PDE4B: variants seen among roughly 807,000 people sequenced by gnomAD.
The protein encoded by PDE4B is phosphodiesterase 4B.
A neutral mutation model predicts 82.2 loss-of-function variants in PDE4B; 20 were observed. The observed-to-expected ratio is 0.24, with a 90% CI of 0.17 to 0.35. PDE4B has a LOEUF of 0.35. Ranked by LOEUF, PDE4B falls within the 10% of genes least tolerant of loss-of-function variation. PDE4B has a pLI of 1.00. For synonymous variants in PDE4B, 320 were observed against 318.9 expected (o/e 1.00, Z -0.04); for missense variants, 655 against 907.2 (o/e 0.72, Z 3.57).
intron 3 of PDE4B, among the ~76,000 whole-genome samples, chr1:66,148,645 C>T (rs1460156185): frequency 1.3e-5 from 2 of 152,188 alleles, no homozygotes; most frequent in Non-Finnish European, 2.9e-5. Context: ...CATTCACTCT[C>T]CATGAGCATT....
At position 66,233,117 on chromosome 1, in the gene PDE4B, C is replaced by T. The variant is rs991515433; in HGVS notation, c.282-14343C>T. Among the ~76,000 whole-genome samples the T allele has an allele frequency of 2.0e-5, 3 of 152,238 alleles. No homozygotes were observed. The South Asian group carries it at 6.2e-4, about 32-fold the overall frequency. On this transcript the variant is annotated intron_variant, in intron 3 of 16. Transcript: ENST00000341517. Reference sequence around the variant, plus strand: ...CAAACCCAAAAGTTTCCCTTTGCAACCCCTCCCACCTCTCCCTGACACCAC... The same window carrying T: ...CAAACCCAAAAGTTTCCCTTTGCAATCCCTCCCACCTCTCCCTGACACCAC...
At chr1:66,166,590 C>A (rs781065505) in intron 3 of PDE4B, among the ~76,000 whole-genome samples, 1 of 151,836 alleles carries the variant, frequency 6.6e-6, no homozygotes, top group Non-Finnish European at 1.5e-5. Flanking sequence ...AAAAGTTAGC[C>A]GGGCATGGTG....
rs1364680544 is a variant in PDE4B, at chr1:66,257,657, G to T, written c.487G>T (p.Asp163Tyr). ...SSLPSEQHGD[D>Y]LIVTPFAQVL... ...TTCTCTTTTCACCAGACACGGCGAT[G>T]ACTTGATTGTAACTCCTTTTGCCCA... Residue 163 changes from aspartate to tyrosine, a missense_variant, in exon 5 of 17, where the codon GAC becomes TAC. Physicochemically the swap from Asp to Tyr is radical, Grantham distance 160. Transcript: ENST00000341517. 6.2e-7 allele frequency: 1 copy of T among 1,613,574 alleles called. No homozygotes were observed. Among genetic ancestry groups the T allele is most frequent in the Non-Finnish European group, 8.5e-7 (1 of 1,179,674 alleles).
chr1:66,216,385 A>T (rs1317543272), intron 3 of PDE4B, among the ~76,000 whole-genome samples: 1 of 146,304 alleles, frequency 6.8e-6, no homozygotes, highest in Non-Finnish European at 1.5e-5. Context: ...AAAAAATAAA[A>T]AGTCGTTCTT....
rs531609891 is a variant in PDE4B at position 66,350,834 on chromosome 1, A to G, written c.748-4693A>G. ...CTTCAGAAGAAACTGGCTCAGAAGA[A>G]ATAATCTCTGTATGCAGTGTTAAAA... On this transcript the variant is annotated intron_variant, in intron 8 of 16. Coordinates refer to ENST00000341517, the MANE Select transcript of PDE4B (RefSeq NM_002600.4). Among the ~76,000 whole-genome samples the G allele has an allele frequency of 7.2e-5, 11 of 152,332 alleles. No individual in the cohort carries two copies. In the South Asian group the frequency reaches 2.1e-3, roughly 29 times the overall value.
chr1:65,835,960 A>T (rs968102589), intron 1 of PDE4B, among the ~76,000 whole-genome samples: 61 of 151,002 alleles, frequency 4.0e-4, no homozygotes, highest in African/African-American at 1.4e-3. Flanking sequence ...TTTTTTTCCG[A>T]GATGGAGTCT....
rs371859288 is a variant in PDE4B at position 66,069,106 on chromosome 1, C to T, written c.281+150271C>T. The stretch of plus-strand genomic sequence containing the variant: ...GTTTCCAGATAAGCCTGTTTCTGTT[C>T]GGTAACTGTGTTAACACCCTGCTGT... On this transcript the variant is annotated intron_variant, in intron 3 of 16. Transcript: ENST00000341517. Among the ~76,000 whole-genome samples, 100 of 152,114 alleles carry T rather than the reference C, an allele frequency of 6.6e-4. 1 individual carries two copies. Among genetic ancestry groups the T allele is most frequent in the African/African-American group, 2.1e-3 (86 of 41,536 alleles).
chr1:66,297,911 G>T (rs1372063012), intron 7 of PDE4B, among the ~76,000 whole-genome samples: 2 of 152,016 alleles, frequency 1.3e-5, no homozygotes, highest in African/African-American at 2.4e-5. Context: ...GTCCATTATG[G>T]TTGCTTACCT....
chr1:66,361,581 T>C (rs765211336), intron 9 of PDE4B, 34 bp from the exon 10 acceptor site: 2 of 1,563,942 alleles, frequency 1.3e-6, no homozygotes, highest in East Asian at 2.2e-5. Flanking sequence ...CATAGACACA[T>C]GTGCTGAAAA....
chr1:65,973,523 A>G (rs2100632492), intron 3 of PDE4B, among the ~76,000 whole-genome samples: 1 of 152,268 alleles, frequency 6.6e-6, no homozygotes, highest in South Asian at 2.1e-4. Context: ...TTGTTACTAT[A>G]TTTGCAAACT....
intron 3 of PDE4B, among the ~76,000 whole-genome samples, chr1:65,967,804 G>A (rs1051039523): frequency 6.6e-6 from 1 of 152,122 alleles, no homozygotes; most frequent in Non-Finnish European, 1.5e-5. Context: ...TCACTCATAA[G>A]TGGGAGTTGA....
At chr1:66,146,173 CTTTTTTTTTTTTTTT>C (rs36027532) in intron 3 of PDE4B, among the ~76,000 whole-genome samples, 1 of 49,232 alleles carries the variant, frequency 2.0e-5, no homozygotes, top group Non-Finnish European at 3.6e-5. Context: ...GGGTAGCATG[CTTTTTTTTTTTTTTT>C]TTTTTTTTTT....
chr1:66,293,845 G>C (rs1415634057), intron 7 of PDE4B, among the ~76,000 whole-genome samples: 1 of 152,140 alleles, frequency 6.6e-6, no homozygotes. Flanking sequence ...TGTTGTTGTT[G>C]TTCTCAACCA....
chr1:65,954,462 C>A (rs886381034), intron 3 of PDE4B, among the ~76,000 whole-genome samples: 22 of 152,024 alleles, frequency 1.4e-4, no homozygotes, highest in African/African-American at 5.3e-4. Flanking sequence ...AGTTATATAT[C>A]ACGTTCATGC....
chr1:66,367,901 A>G (rs1249842933), intron 14 of PDE4B, 42 bp from the exon 15 acceptor site: 14 of 1,612,974 alleles, frequency 8.7e-6, no homozygotes, highest in African/African-American at 2.7e-5. Flanking sequence ...TCTCTCTGAT[A>G]GACTGAATTT....
intron 3 of PDE4B, among the ~76,000 whole-genome samples, chr1:65,977,145 G>A (rs1173752310): frequency 6.6e-6 from 1 of 152,118 alleles, no homozygotes; most frequent in Non-Finnish European, 1.5e-5. Flanking sequence ...AGAATTCCTT[G>A]ATTATCAACT....
chr1:66,107,455 A>G (rs1227138562), intron 3 of PDE4B, among the ~76,000 whole-genome samples: 1 of 151,592 alleles, frequency 6.6e-6, no homozygotes, highest in Non-Finnish European at 1.5e-5. Context: ...AATTGTTTTG[A>G]TTTCTTCACT....
Position 66,134,892 on chromosome 1 carries a change from A to G in PDE4B, c.282-112568A>G, listed in dbSNP as rs117505473. 4.5e-4 allele frequency among the ~76,000 whole-genome samples: 69 copies of G among 152,374 alleles called. 1 individual carries two copies. The East Asian group carries it at 0.013, about 28-fold the overall frequency. The stretch of plus-strand genomic sequence containing the variant: ...AGCAATATAATCTGGTGAGGGAGAT[A>G]AAACAGAAAGATACAGCGTGAAGTC... On this transcript the variant is annotated intron_variant, in intron 3 of 16. Transcript: ENST00000341517.
intron 3 of PDE4B, among the ~76,000 whole-genome samples, chr1:66,038,963 G>C (rs1327316435): frequency 6.6e-6 from 1 of 151,870 alleles, no homozygotes; most frequent in African/African-American, 2.4e-5. Flanking sequence ...GTCCTATTCA[G>C]TAAAAATTTT....
Sources: gnomAD v4.1 joint callset for allele counts (sites outside exome capture counted in the v4.1 genomes callset) on GRCh38, gnomAD v4.1.1 for gene constraint, MANE v1.5 for transcripts, NCBI Gene and HGNC (gene_info 2026-07-23, HGNC 2026-07-21) for gene names.